Variants in FARP1 observed in about 807,000 individuals in gnomAD.
The protein encoded by FARP1 is FERM, ARH/RhoGEF and pleckstrin domain protein 1.
Under a neutral mutation model 128.8 loss-of-function variants are expected in FARP1, and 52 were observed. The observed-to-expected ratio is 0.40, with a 90% CI of 0.32 to 0.51. The LOEUF is 0.51. Among genes scored for constraint, FARP1 ranks in the 20% least tolerant of loss-of-function variants. FARP1 has a pLI of 0.45. For missense variants in FARP1, 1,333 were observed against 1,367.9 expected (o/e 0.97, Z 0.40); for synonymous variants, 580 against 551.8 (o/e 1.05, Z -0.72).
intron 1 of FARP1, among the ~76,000 whole-genome samples, chr13:98,184,691 A>G (rs898398013): frequency 1.3e-5 from 2 of 152,016 alleles, no homozygotes; most frequent in African/African-American, 4.8e-5. Flanking sequence ...GCAGTGGCCA[A>G]CTCCACAGCC....
chr13:98,244,558 C>T lies in FARP1; in HGVS notation c.171+31145C>T, dbSNP rs1163230481. 4.3e-6 allele frequency: 7 copies of T among 1,614,044 alleles called. No individual in the cohort carries two copies. The South Asian group carries it at 4.4e-5, about 10-fold the overall frequency. On this transcript the variant is annotated intron_variant, in intron 2 of 26. Transcript: ENST00000319562. ...TGGACGGGTTGGGTACTGAGATGCT[C>T]CATGAAGCCCAAGCACCATTCACAT...
intron 1 of FARP1, among the ~76,000 whole-genome samples, chr13:98,198,748 C>G (rs1007173137): frequency 4.6e-5 from 7 of 151,354 alleles, no homozygotes; most frequent in African/African-American, 1.7e-4. Context: ...CACGGTGGCA[C>G]ATGCCTGTAA....
chr13:98,153,393 ATACAT>A (rs1876199696), intron 1 of FARP1, among the ~76,000 whole-genome samples: 1 of 111,430 alleles, frequency 9.0e-6, no homozygotes, highest in African/African-American at 2.8e-5. Context: ...ATAATAAATA[ATACAT>A]TATATATAAA....
intron 17 of FARP1, among the ~76,000 whole-genome samples, chr13:98,425,149 A>C (rs1227071281): frequency 6.6e-6 from 1 of 151,924 alleles, no homozygotes; most frequent in Non-Finnish European, 1.5e-5. Flanking sequence ...TTGTTTCAAA[A>C]GTTTTGCATT....
At chr13:98,353,733 T>G (rs1888531539) in intron 3 of FARP1, among the ~76,000 whole-genome samples, 1 of 152,134 alleles carries the variant, frequency 6.6e-6, no homozygotes, top group Non-Finnish European at 1.5e-5. Flanking sequence ...TTTTTAAAGG[T>G]TGAAAAGGAA....
At chr13:98,228,000 A>G (rs957982370) in intron 2 of FARP1, among the ~76,000 whole-genome samples, 28 of 152,238 alleles carry the variant, frequency 1.8e-4, no homozygotes, top group African/African-American at 6.5e-4. Flanking sequence ...GCCAGATGAA[A>G]ACATTGGGAG....
intron 2 of FARP1, among the ~76,000 whole-genome samples, chr13:98,257,535 C>T (rs569621915): frequency 4.8e-4 from 73 of 152,174 alleles, no homozygotes; most frequent in South Asian, 1.2e-3. Context: ...CACTTTGGGA[C>T]GCCAAGGTGG....
chr13:98,326,891 T>C (rs1887259893), intron 2 of FARP1, among the ~76,000 whole-genome samples: 3 of 152,368 alleles, frequency 2.0e-5, no homozygotes, highest in South Asian at 4.1e-4. Flanking sequence ...TTTTGACAGA[T>C]GACAGATCTG....
Position 98,453,332 on chromosome 13 carries a change from G to A in FARP1, c.*5015G>A, listed in dbSNP as rs1377356042. On this transcript the variant is annotated 3_prime_UTR_variant, in exon 27 of 27. Coordinates refer to ENST00000319562, the MANE Select transcript of FARP1 (RefSeq NM_005766.4). Reference sequence around the variant, plus strand: ...TCCAAGTCATACAAAAATAAGTGGAGCAAATATCAATGTGTAAGTCTAATT... The same window carrying A: ...TCCAAGTCATACAAAAATAAGTGGAACAAATATCAATGTGTAAGTCTAATT... 2 of 950,838 alleles carry A rather than the reference G, an allele frequency of 2.1e-6. No individual in the cohort carries two copies. The highest frequency in any genetic ancestry group is 1.7e-5 in the African/African-American group (1 of 60,270). 58.9% of individuals were successfully genotyped at this position (950,838 alleles called of 1,614,324 possible). A position where few individuals can be genotyped will look rare whatever the true frequency, so the allele number is the denominator to read the frequency against.
chr13:98,176,117 T>A lies in FARP1; in HGVS notation c.-24+32625T>A, dbSNP rs779890630. On this transcript the variant is annotated intron_variant, in intron 1 of 26. Coordinates refer to ENST00000319562, the MANE Select transcript of FARP1 (RefSeq NM_005766.4). This position sits in a 1 kb window ranked among gnomAD's most constrained non-coding sequence, Gnocchi z 6.2. ...AAGACTGTCATCTCTCTCATCTTACTCAACAGGCTGCTTCTCCCCAGTGTA... is the reference window on the plus strand; with the variant it reads ...AAGACTGTCATCTCTCTCATCTTACACAACAGGCTGCTTCTCCCCAGTGTA... 2 of 1,543,816 alleles carry A rather than the reference T, an allele frequency of 1.3e-6. No individual in the cohort carries two copies. Among genetic ancestry groups the A allele is most frequent in the East Asian group, 4.5e-5 (2 of 44,612 alleles).
At chr13:98,177,230 C>T (rs1326393055) in intron 1 of FARP1, 3 of 1,552,240 alleles carry the variant, frequency 1.9e-6, no homozygotes, top group African/African-American at 1.4e-5. Context: ...GAAGGTGGCG[C>T]TGCCATGTTT....
In FARP1 at chr13:98,365,134, A is replaced by G. The variant is rs568802331; in HGVS notation, c.277-261A>G. On this transcript the variant is annotated intron_variant, in intron 3 of 26. Transcript: ENST00000319562. ...ATATGATAAATGTATAAATGAGAAT[A>G]GAAAACTTCTTAGTTAACCATGTGT... 9.2e-5 allele frequency among the ~76,000 whole-genome samples: 14 copies of G among 152,368 alleles called. No individual in the cohort carries two copies. In the South Asian group the frequency reaches 2.9e-3, roughly 32 times the overall value.
intron 2 of FARP1, among the ~76,000 whole-genome samples, chr13:98,273,189 T>C (rs910872027): frequency 6.6e-6 from 1 of 152,176 alleles, no homozygotes; most frequent in African/African-American, 2.4e-5. Context: ...GATTCTTCAA[T>C]GTGTCATTGG....
intron 13 of FARP1, chr13:98,405,095 G>T (rs563487847): frequency 2.6e-5 from 4 of 152,088 alleles, no homozygotes. Flanking sequence ...CTTGAATACC[G>T]GTACATGGTT....
chr13:98,356,986 A>G (rs1888671609), intron 3 of FARP1, among the ~76,000 whole-genome samples: 1 of 152,152 alleles, frequency 6.6e-6, no homozygotes, highest in Non-Finnish European at 1.5e-5. Context: ...TGACATCTGC[A>G]TTGCCCAACA....
Position 98,160,297 on chromosome 13 carries a change from G to GC in FARP1, c.-24+16806dup, listed in dbSNP as rs201140460. ...GCACTCTGGCAGGTGTGTGCTGTAG[G>GC]CGTGATGGTGGGGCCTGGGCTGCCT... On this transcript the variant is annotated intron_variant, in intron 1 of 26. Transcript: ENST00000319562. Among the ~76,000 whole-genome samples, 68 of 152,292 alleles carry GC rather than the reference G, an allele frequency of 4.5e-4. 1 individual carries two copies. In the East Asian group the frequency reaches 0.012, roughly 26 times the overall value.
intron 2 of FARP1, among the ~76,000 whole-genome samples, chr13:98,272,731 A>G (rs968700233): frequency 3.3e-5 from 5 of 152,184 alleles, no homozygotes; most frequent in Non-Finnish European, 7.4e-5. Flanking sequence ...GCTGGTTGCC[A>G]TGGTTGCTAC....
intron 2 of FARP1, among the ~76,000 whole-genome samples, chr13:98,274,311 G>C (rs570188002): frequency 6.6e-6 from 1 of 152,236 alleles, no homozygotes; most frequent in Admixed American, 6.5e-5. Flanking sequence ...GTTTAGAAAA[G>C]GCAGCGCGGG....
chr13:98,370,825 A>G (rs1889294500), intron 5 of FARP1, among the ~76,000 whole-genome samples: 1 of 152,264 alleles, frequency 6.6e-6, no homozygotes, highest in African/African-American at 2.4e-5. Flanking sequence ...ATCCACGTCC[A>G]CTTAGAACCC....
Sources: allele counts gnomAD v4.1 joint callset (sites outside exome capture counted in the v4.1 genomes callset), GRCh38; gene constraint gnomAD v4.1.1; non-coding constraint Gnocchi (gnomAD v3.1); transcripts MANE v1.5; gene names NCBI Gene and HGNC (gene_info 2026-07-23, HGNC 2026-07-21).